SENP2: variants seen among roughly 807,000 people sequenced by gnomAD.
The protein encoded by SENP2 is SUMO specific peptidase 2, also known as sentrin-specific protease 2.
In SENP2, 16 loss-of-function variants were observed where a neutral mutation model predicts 86.3. The ratio of observed to expected loss-of-function variants is 0.19; its 90% confidence interval spans 0.13 to 0.28. The LOEUF is 0.28. SENP2 is among the 10% of genes least tolerant of loss of function. The pLI is 1.00. For missense variants in SENP2, 552 were observed against 703.0 expected, an observed-to-expected ratio of 0.79 and a Z score of 2.43; for synonymous variants, 222 against 238.7, an observed-to-expected ratio of 0.93 and a Z score of 0.64.
At chr3:185,590,091 A>ATT (rs753562841) in intron 1 of SENP2, 23 bp from the exon 2 acceptor site, 8 of 1,353,890 alleles carry the variant, frequency 5.9e-6, no homozygotes, top group African/African-American at 1.5e-5. Flanking sequence ...ATATATATAT[A>ATT]TTTTTTTCTT....
Position 185,630,710 on chromosome 3 carries a change from G to T in SENP2, c.*866G>T, listed in dbSNP as rs946353421. 2.0e-4 allele frequency: 30 copies of T among 152,602 alleles called. No individual in the cohort carries two copies. Among genetic ancestry groups the T allele is most frequent in the African/African-American group, 7.2e-4 (30 of 41,438 alleles). The allele number at this position is 152,602 out of a possible 1,614,324, so 9.5% of individuals were successfully genotyped here. A position where few individuals can be genotyped will look rare whatever the true frequency, so the allele number is the denominator to read the frequency against. ...AATCTTCATTTTCATCCCAGATCTGGTTGAGTATAAACCTCAGAATTGTAG... is the reference window on the plus strand; with the variant it reads ...AATCTTCATTTTCATCCCAGATCTGTTTGAGTATAAACCTCAGAATTGTAG... On this transcript the variant is annotated 3_prime_UTR_variant, in exon 17 of 17. Coordinates refer to ENST00000296257, the MANE Select transcript of SENP2 (RefSeq NM_021627.3).
At chr3:185,607,179 C>A (rs922503190) in intron 6 of SENP2, among the ~76,000 whole-genome samples, 1 of 151,724 alleles carries the variant, frequency 6.6e-6, no homozygotes. Context: ...ATGTTTACTT[C>A]TAAGCAAGTA....
chr3:185,621,352 A>G (rs1577741929), intron 13 of SENP2, among the ~76,000 whole-genome samples: 1 of 143,630 alleles, frequency 7.0e-6, no homozygotes, highest in South Asian at 2.2e-4. Flanking sequence ...AAATACATGT[A>G]CCAATATAAG....
At position 185,607,389 on chromosome 3, in the gene SENP2, C is replaced by T. The variant is rs377754719; in HGVS notation, c.618+891C>T. 3.1e-4 allele frequency among the ~76,000 whole-genome samples: 39 copies of T among 126,260 alleles called. 1 individual carries two copies. Among genetic ancestry groups the T allele is most frequent in the Middle Eastern group, 8.1e-3 (1 of 124 alleles). 82.8% of individuals were successfully genotyped at this position (126,260 alleles called of 152,430 possible). ...TGTTGCCCAGGCTAGAGTGCAATGG[C>T]GCGATCTTGGCTCACTGCAGCCTCC... On this transcript the variant is annotated intron_variant, in intron 6 of 16. Transcript: ENST00000296257.
intron 6 of SENP2, 98 bp downstream of exon 6, chr3:185,606,596 C>A (rs575390333): frequency 9.4e-7 from 1 of 1,066,404 alleles, no homozygotes; most frequent in East Asian, 2.6e-5. Flanking sequence ...TTTGACATAC[C>A]ATTGTAGGTT....
At chr3:185,596,876 C>A (rs1022849477) in intron 2 of SENP2, among the ~76,000 whole-genome samples, 1 of 152,078 alleles carries the variant, frequency 6.6e-6, no homozygotes, top group Non-Finnish European at 1.5e-5. Context: ...TTTTGTGAGA[C>A]GGAGTCTCAT....
chr3:185,627,135 T>C (rs1198296241), intron 16 of SENP2, among the ~76,000 whole-genome samples: 1 of 151,158 alleles, frequency 6.6e-6, no homozygotes, highest in Admixed American at 6.6e-5. Context: ...TTCTTATTGC[T>C]GTAAATCTTG....
chr3:185,589,839 A>T (rs1185436508), intron 1 of SENP2, among the ~76,000 whole-genome samples: 2 of 151,476 alleles, frequency 1.3e-5, no homozygotes, highest in African/African-American at 2.4e-5. Context: ...TTTTTTATTT[A>T]TTTTTTTATC....
intron 1 of SENP2, among the ~76,000 whole-genome samples, chr3:185,589,390 G>T (rs1462987231): frequency 6.6e-6 from 1 of 152,086 alleles, no homozygotes; most frequent in Non-Finnish European, 1.5e-5. Context: ...AGTAAAAGAT[G>T]GCTTTCTTTG....
rs550710244 is a variant in SENP2 at position 185,609,293 on chromosome 3, G to A, written c.665G>A (p.Arg222Gln). 1.5e-5 allele frequency: 24 copies of A among 1,613,754 alleles called. No homozygotes were observed. The African/African-American group carries it at 2.3e-4, about 15-fold the overall frequency. Residue 222 changes from arginine to glutamine, a missense_variant, in exon 7 of 17, where the codon CGA becomes CAA. Coordinates refer to ENST00000296257, the MANE Select transcript of SENP2 (RefSeq NM_021627.3). ...EREKYRKLLE[R>Q]LKESGHGNSV... ...GAGAAGTACCGAAAGTTATTGGAAC[G>A]ACTTAAAGAAAGTGGTCATGGAAAC...
rs1712573569 is a variant in SENP2, at chr3:185,633,447, AT to A, written c.*3610del. The A allele has an allele frequency of 6.6e-6, 1 of 152,058 alleles. No homozygotes were observed. Among genetic ancestry groups the A allele is most frequent in the Non-Finnish European group, 1.5e-5 (1 of 68,016 alleles). 9.4% of individuals were successfully genotyped at this position (152,058 alleles called of 1,614,324 possible). A position where few individuals can be genotyped will look rare whatever the true frequency, so the allele number is the denominator to read the frequency against. On this transcript the variant is annotated 3_prime_UTR_variant, in exon 17 of 17. Coordinates refer to ENST00000296257, the MANE Select transcript of SENP2 (RefSeq NM_021627.3). Reference sequence around the variant, plus strand: ...AGCTGGCTGTAGTATTGCTTTGATAATTTTTTTCTTTTAATTTACCTAATAT... The same window carrying A: ...AGCTGGCTGTAGTATTGCTTTGATAATTTTTTCTTTTAATTTACCTAATAT...
rs1258865657 is a variant in SENP2, at chr3:185,632,252, T to G, written c.*2408T>G. 6 of 135,958 alleles carry G rather than the reference T, an allele frequency of 4.4e-5. No homozygotes were observed. The highest frequency in any genetic ancestry group is 3.1e-4 in the Admixed American group (4 of 13,052). The allele number at this position is 135,958 out of a possible 1,614,324, so 8.4% of individuals were successfully genotyped here. ...TTTTTTTTTTGTTTTTTTTTTTTTTTTTTGCGACAGAGTCTCTTGTCGCCC... is the reference window on the plus strand; with the variant it reads ...TTTTTTTTTTGTTTTTTTTTTTTTTGTTTGCGACAGAGTCTCTTGTCGCCC... On this transcript the variant is annotated 3_prime_UTR_variant, in exon 17 of 17. Coordinates refer to ENST00000296257, the MANE Select transcript of SENP2 (RefSeq NM_021627.3).
chr3:185,609,202 A>C, intron 6 of SENP2, 45 bp from the exon 7 acceptor site: 1 of 1,375,124 alleles, frequency 7.3e-7, no homozygotes, highest in Non-Finnish European at 1.0e-6. Flanking sequence ...TTTAATTATA[A>C]ATTTAATGTG....
chr3:185,602,911 C>CT lies in SENP2; in HGVS notation c.449+2075dup, dbSNP rs748676466. Among the ~76,000 whole-genome samples, 598 of 105,734 alleles carry CT rather than the reference C, an allele frequency of 5.7e-3. 1 individual carries two copies. The highest frequency in any genetic ancestry group is 8.7e-3 in the East Asian group (31 of 3,574). 69.4% of individuals were successfully genotyped at this position (105,734 alleles called of 152,430 possible). A position where few individuals can be genotyped will look rare whatever the true frequency, so the allele number is the denominator to read the frequency against. On this transcript the variant is annotated intron_variant, in intron 5 of 16. Transcript: ENST00000296257. Reference sequence around the variant, plus strand: ...ACTCAAAATATCTCCTTACACGTTACTTTTTTTTTTTTTTTTTTTGGGATG... The same window carrying CT: ...ACTCAAAATATCTCCTTACACGTTACTTTTTTTTTTTTTTTTTTTTGGGATG...
At chr3:185,596,876 C>T (rs1022849477) in intron 2 of SENP2, among the ~76,000 whole-genome samples, 5 of 152,078 alleles carry the variant, frequency 3.3e-5, no homozygotes, top group African/African-American at 4.8e-5. Context: ...TTTTGTGAGA[C>T]GGAGTCTCAT....
chr3:185,597,658 G>GT lies in SENP2; in HGVS notation c.158-742dup, dbSNP rs879305349. The stretch of plus-strand genomic sequence containing the variant: ...AGTCAAGAGCCACAAGTCTGGCCCA[G>GT]TTTTTTTTTTTTGAGATGGAGTTTT... On this transcript the variant is annotated intron_variant, in intron 2 of 16. Coordinates refer to ENST00000296257, the MANE Select transcript of SENP2 (RefSeq NM_021627.3). 2.3e-3 allele frequency among the ~76,000 whole-genome samples: 326 copies of GT among 139,726 alleles called. 1 individual carries two copies. The highest frequency in any genetic ancestry group is 4.5e-3 in the Middle Eastern group (1 of 224). 91.7% of individuals were successfully genotyped at this position (139,726 alleles called of 152,430 possible). A position where few individuals can be genotyped will look rare whatever the true frequency, so the allele number is the denominator to read the frequency against.
At chr3:185,599,921 C>T (rs941316644) in intron 4 of SENP2, among the ~76,000 whole-genome samples, 22 of 151,562 alleles carry the variant, frequency 1.5e-4, no homozygotes, top group African/African-American at 5.1e-4. Flanking sequence ...GCCTCAGCCT[C>T]CCGAGGAGCT....
intron 4 of SENP2, 98 bp from the exon 5 acceptor site, chr3:185,600,667 C>T: frequency 1.4e-6 from 1 of 734,422 alleles, no homozygotes. Flanking sequence ...TGATTTAGCT[C>T]TATGATGTAG....
At chr3:185,610,154 C>CTTTTTTTTTT (rs557832407) in intron 7 of SENP2, among the ~76,000 whole-genome samples, 3 of 115,080 alleles carry the variant, frequency 2.6e-5, no homozygotes, top group African/African-American at 9.7e-5. Flanking sequence ...TATTATCTAG[C>CTTTTTTTTTT]TTTTTTTTTT....
Sources: allele counts gnomAD v4.1 joint callset (sites outside exome capture counted in the v4.1 genomes callset), GRCh38; gene constraint gnomAD v4.1.1; transcripts MANE v1.5; gene names NCBI Gene and HGNC (gene_info 2026-07-23, HGNC 2026-07-21).